PLCD3: variants seen among roughly 807,000 people sequenced by gnomAD.
PLCD3 encodes 1-phosphatidylinositol 4,5-bisphosphate phosphodiesterase delta-3.
Under a neutral mutation model 82.8 loss-of-function variants are expected in PLCD3, and 62 were observed. That is an observed-to-expected ratio of 0.75 (90% CI 0.61 to 0.93). The LOEUF is 0.93. PLCD3 is among the 40% of genes least tolerant of loss of function. The pLI, the probability that PLCD3 is intolerant of heterozygous loss-of-function variation, is 0.00. For missense variants in PLCD3, 1,023 were observed against 1,103.4 expected, an observed-to-expected ratio of 0.93 and a Z score of 1.03; for synonymous variants, 478 against 471.8, an observed-to-expected ratio of 1.01 and a Z score of -0.17.
At chr17:45,125,998 C>T (rs937865371) in intron 1 of PLCD3, among the ~76,000 whole-genome samples, 27 of 151,754 alleles carry the variant, frequency 1.8e-4, no homozygotes, top group Non-Finnish European at 3.5e-4. Flanking sequence ...GAATTAACCA[C>T]TTAAAAATGG....
At chr17:45,128,173 G>A (rs987805255) in intron 1 of PLCD3, among the ~76,000 whole-genome samples, 106 of 152,130 alleles carry the variant, frequency 7.0e-4, no homozygotes, top group Non-Finnish European at 1.9e-4. Flanking sequence ...GCGGGGGCTC[G>A]GTGCCAGAGT....
chr17:45,128,374 C>T (rs1386497215), intron 1 of PLCD3, among the ~76,000 whole-genome samples: 2 of 152,170 alleles, frequency 1.3e-5, no homozygotes, highest in Non-Finnish European at 2.9e-5. Flanking sequence ...CAGGGCCTGG[C>T]AGAGCCAGCC....
At chr17:45,117,686 C>T (rs921636989) in intron 7 of PLCD3, among the ~76,000 whole-genome samples, 1 of 152,206 alleles carries the variant, frequency 6.6e-6, no homozygotes, top group Non-Finnish European at 1.5e-5. Context: ...TCTCTTACAG[C>T]TTATTTATTC....
chr17:45,120,843 C>G (rs1598032437), intron 3 of PLCD3, 59 bp downstream of exon 3: 1 of 1,399,548 alleles, frequency 7.1e-7, no homozygotes, highest in Non-Finnish European at 9.3e-7. Context: ...AAGGATGGGG[C>G]TCTCCAAGGT....
chr17:45,121,256 C>T lies in PLCD3; in HGVS notation c.280G>A (p.Val94Met). 6.3e-7 allele frequency: 1 copy of T among 1,592,150 alleles called. No homozygotes were observed. Among genetic ancestry groups the T allele is most frequent in the Non-Finnish European group, 8.5e-7 (1 of 1,177,198 alleles). The part of the protein sequence containing the change: ...LYRLQEDGLS[V>M]WFQRRIPRAP... ...CGCGGGATGCGCCGCTGGAACCACA[C>T]GCTCAGGCCGTCCTCCTGCAGCCGG... Residue 94 changes from valine to methionine, a missense_variant, in exon 2 of 15, where the codon GTG becomes ATG. By Grantham distance (21) the Val-to-Met change is conservative. Around this residue, in one of 3 missense-constraint regions of PLCD3, gnomAD observed 448 missense variants for 406.3 expected, o/e 1.10. Transcript: ENST00000619929.
At chr17:45,126,598 C>T (rs1322392911) in intron 1 of PLCD3, among the ~76,000 whole-genome samples, 4 of 151,656 alleles carry the variant, frequency 2.6e-5, no homozygotes, top group East Asian at 1.9e-4. Context: ...CCACAGCACC[C>T]GGCCTATTTT....
Position 45,111,366 on chromosome 17 carries a change from A to ATGTGTGAGTGTGTGTGTGTG in PLCD3, c.*1230_*1249dup, listed in dbSNP as rs2054240422. On this transcript the variant is annotated 3_prime_UTR_variant, in exon 15 of 15. Transcript: ENST00000619929. Reference sequence around the variant, plus strand: ...CTCCTCATTCAAGGCCCCTCTGTGTATGTGTGAGTGTGTGTGTGTGTGTGT... The same window carrying ATGTGTGAGTGTGTGTGTGTG: ...CTCCTCATTCAAGGCCCCTCTGTGTATGTGTGAGTGTGTGTGTGTGTGTGTGAGTGTGTGTGTGTGTGTGT... 1.6e-5 allele frequency: 2 copies of ATGTGTGAGTGTGTGTGTGTG among 124,898 alleles called. No individual in the cohort carries two copies. Among genetic ancestry groups the ATGTGTGAGTGTGTGTGTGTG allele is most frequent in the Non-Finnish European group, 3.3e-5 (2 of 59,964 alleles). 7.7% of individuals were successfully genotyped at this position (124,898 alleles called of 1,614,324 possible).
Position 45,132,133 on chromosome 17 carries a change from T to C in PLCD3, c.163+115A>G, listed in dbSNP as rs1167252095. On this transcript the variant is annotated intron_variant, in intron 1 of 14. Coordinates refer to ENST00000619929, the MANE Select transcript of PLCD3 (RefSeq NM_133373.5). The surrounding 1 kb of genome is among the most constrained non-coding windows in gnomAD (Gnocchi z 4.6). ...GGAGCTGGCCCTCCGCCCCTAGCCA[T>C]AGCCTCCCAGCCCCGTGCAGCCTGG... 1 of 1,122,084 alleles carries C rather than the reference T, an allele frequency of 8.9e-7. No homozygotes were observed. The highest frequency in any genetic ancestry group is 1.1e-6 in the Non-Finnish European group (1 of 889,578). The allele number at this position is 1,122,084 out of a possible 1,614,324, so 69.5% of individuals were successfully genotyped here. A position where few individuals can be genotyped will look rare whatever the true frequency, so the allele number is the denominator to read the frequency against.
intron 4 of PLCD3, among the ~76,000 whole-genome samples, chr17:45,119,683 G>A (rs994127927): frequency 2.6e-5 from 4 of 152,236 alleles, no homozygotes; most frequent in African/African-American, 7.2e-5. Context: ...AGGTGGACAC[G>A]TTACTATCCT....
Position 45,112,272 on chromosome 17 carries a change from C to A in PLCD3, c.*344G>T. 1 of 302,272 alleles carries A rather than the reference C, an allele frequency of 3.3e-6. No individual in the cohort carries two copies. Among genetic ancestry groups the A allele is most frequent in the Non-Finnish European group, 6.4e-6 (1 of 156,900 alleles). 18.7% of individuals were successfully genotyped at this position (302,272 alleles called of 1,614,324 possible). The stretch of plus-strand genomic sequence containing the variant: ...TGGCCCACGGGAGGACAGAGGGGAA[C>A]TGAGGGCCCACAAGTGTCCTGCTCC... On this transcript the variant is annotated 3_prime_UTR_variant, in exon 15 of 15. Coordinates refer to ENST00000619929, the MANE Select transcript of PLCD3 (RefSeq NM_133373.5).
intron 1 of PLCD3, among the ~76,000 whole-genome samples, chr17:45,125,595 C>CA (rs1567883751): frequency 6.6e-6 from 1 of 151,344 alleles, no homozygotes; most frequent in Non-Finnish European, 1.5e-5. Flanking sequence ...GACTCCGTCT[C>CA]AAAAAACAAA....
At chr17:45,131,105 G>A (rs887126703) in intron 1 of PLCD3, among the ~76,000 whole-genome samples, 1 of 152,234 alleles carries the variant, frequency 6.6e-6, no homozygotes, top group South Asian at 2.1e-4. Flanking sequence ...CAGTTGAATG[G>A]ATGGCAGGGT....
intron 1 of PLCD3, chr17:45,129,346 G>A (rs1436695912): frequency 6.6e-6 from 1 of 152,262 alleles, no homozygotes; most frequent in African/African-American, 2.4e-5. Flanking sequence ...CCAGTCTCCT[G>A]AGTCCCAGCT....
At position 45,128,895 on chromosome 17, in the gene PLCD3, C is replaced by T. The variant is rs116358623; in HGVS notation, c.163+3353G>A. ...TGGCAGGGCCCCCATGGGAGAGGAG[C>T]GGCCAGGAGGCCCCCTGCAGGTATC... On this transcript the variant is annotated intron_variant, in intron 1 of 14. Transcript: ENST00000619929. Among the ~76,000 whole-genome samples, 747 of 152,322 alleles carry T rather than the reference C, an allele frequency of 4.9e-3. 5 individuals carry two copies. The highest frequency in any genetic ancestry group is 0.017 in the African/African-American group (707 of 41,568).
intron 8 of PLCD3, among the ~76,000 whole-genome samples, chr17:45,116,387 G>A (rs1227740778): frequency 6.6e-6 from 1 of 151,820 alleles, no homozygotes; most frequent in Non-Finnish European, 1.5e-5. Flanking sequence ...CACAGGGCCA[G>A]CAGGGCAAAG....
intron 1 of PLCD3, among the ~76,000 whole-genome samples, chr17:45,125,761 A>G (rs1236669718): frequency 6.6e-6 from 1 of 152,260 alleles, no homozygotes; most frequent in Non-Finnish European, 1.5e-5. Context: ...GCTAAGTGAA[A>G]GAAGCCAGAC....
Position 45,110,870 on chromosome 17 carries a change from G to C in PLCD3, c.*1746C>G, listed in dbSNP as rs553227068. 3 of 152,278 alleles carry C rather than the reference G, an allele frequency of 2.0e-5. No individual in the cohort carries two copies. Among genetic ancestry groups the C allele is most frequent in the Non-Finnish European group, 4.4e-5 (3 of 68,078 alleles). 9.4% of individuals were successfully genotyped at this position (152,278 alleles called of 1,614,324 possible). On this transcript the variant is annotated 3_prime_UTR_variant, in exon 15 of 15. Transcript: ENST00000619929. ...TAACCAGAGCCAAACGCCACTCCCA[G>C]CATGAAGGAGCGGGGGACACTGCCA... is the stretch of plus-strand genomic sequence containing the variant.
At chr17:45,113,040 C>T (rs759321278) in intron 13 of PLCD3, 28 bp from the exon 14 acceptor site, 1 of 1,601,278 alleles carries the variant, frequency 6.2e-7, no homozygotes, top group Non-Finnish European at 8.5e-7. Context: ...CAGTCAGAGC[C>T]CAGGGGCCCC....
At chr17:45,122,526 C>A (rs550283444) in intron 1 of PLCD3, among the ~76,000 whole-genome samples, 2 of 152,258 alleles carry the variant, frequency 1.3e-5, no homozygotes, top group East Asian at 3.9e-4. Context: ...CACGGCTCTT[C>A]TAGTGCTTCT....
Sources: allele counts gnomAD v4.1 joint callset (sites outside exome capture counted in the v4.1 genomes callset), GRCh38; gene constraint gnomAD v4.1.1; regional missense constraint gnomAD v4.1.1; non-coding constraint Gnocchi (gnomAD v3.1); transcripts MANE v1.5; gene names NCBI Gene and HGNC (gene_info 2026-07-23, HGNC 2026-07-21).